Variants in AK5 observed in about 807,000 individuals in gnomAD.
AK5 encodes the protein adenylate kinase 5.
Under a neutral mutation model 69.5 loss-of-function variants are expected in AK5, and 27 were observed. The observed-to-expected ratio is 0.39, with a 90% CI of 0.29 to 0.54. The LOEUF (loss-of-function observed/expected upper bound fraction) is 0.54, where lower values mean the gene tolerates loss of function less well. Among genes scored for constraint, AK5 ranks in the 20% least tolerant of loss-of-function variants. The pLI is 0.71. For missense variants in AK5, 531 were observed against 700.4 expected (o/e 0.76, Z 2.73); for synonymous variants, 260 against 244.4 (o/e 1.06, Z -0.60).
intron 6 of AK5, among the ~76,000 whole-genome samples, chr1:77,386,916 C>G (rs1648071931): frequency 6.6e-6 from 1 of 152,096 alleles, no homozygotes; most frequent in Admixed American, 6.6e-5. Flanking sequence ...AATTTTTTCT[C>G]TCTCACATGT....
At chr1:77,296,190 A>G (rs1658992795) in intron 3 of AK5, among the ~76,000 whole-genome samples, 1 of 152,160 alleles carries the variant, frequency 6.6e-6, no homozygotes, top group South Asian at 2.1e-4. Context: ...TGAGGTATAG[A>G]TGCCCACATG....
At chr1:77,390,645 G>C (rs924998176) in intron 6 of AK5, among the ~76,000 whole-genome samples, 2 of 152,162 alleles carry the variant, frequency 1.3e-5, no homozygotes, top group Non-Finnish European at 2.9e-5. Context: ...TTAAAAAGTA[G>C]AAAGGATTTT....
At chr1:77,424,194 G>T (rs967841207) in intron 8 of AK5, among the ~76,000 whole-genome samples, 45 of 152,188 alleles carry the variant, frequency 3.0e-4, no homozygotes, top group African/African-American at 9.7e-4. Context: ...CAAAAAACAT[G>T]ATTTGAATAG....
chr1:77,475,405 A>AT (rs1226955724), intron 8 of AK5, among the ~76,000 whole-genome samples: 104 of 7,960 alleles, frequency 0.013, 4 homozygotes, highest in Non-Finnish European at 0.031. Context: ...TATAATATAT[A>AT]TGTATATATA....
At chr1:77,382,412 G>A (rs965691233) in intron 6 of AK5, among the ~76,000 whole-genome samples, 2 of 152,106 alleles carry the variant, frequency 1.3e-5, no homozygotes, top group African/African-American at 2.4e-5. Flanking sequence ...ATGCAATGGT[G>A]TAATCACAGC....
chr1:77,506,093 C>G (rs111361089), intron 10 of AK5, among the ~76,000 whole-genome samples: 2,446 of 151,968 alleles, frequency 0.016, 63 homozygotes, highest in African/African-American at 0.056. Context: ...GCAAGCAGAA[C>G]CTGAGTGAAG....
At position 77,287,105 on chromosome 1, in the gene AK5, A is replaced by G; in HGVS notation, c.225A>G (p.Ser75=). 1 of 1,571,474 alleles carries G rather than the reference A, an allele frequency of 6.4e-7. No individual in the cohort carries two copies. Among genetic ancestry groups the G allele is most frequent in the Non-Finnish European group, 8.6e-7 (1 of 1,159,152 alleles). The change falls in exon 2 of 14, where the codon TCA becomes TCG. Residue 75 remains serine, a synonymous_variant. Transcript: ENST00000354567. ...TACCTCCACTAAATGGAGGACAGTC[A>G]CGGAGATCCTTTCTAAGAAATGGTA... is the stretch of plus-strand genomic sequence containing the variant. The part of the protein sequence containing the change: ...KTLPPLNGGQ[S]RRSFLRNVMP...
chr1:77,304,407 TTTC>T (rs1423027956), intron 5 of AK5, among the ~76,000 whole-genome samples: 4 of 46,716 alleles, frequency 8.6e-5, no homozygotes, highest in African/African-American at 2.3e-4. Flanking sequence ...TTTCTTTTCT[TTTC>T]TTTTTTTTTT....
intron 12 of AK5, among the ~76,000 whole-genome samples, chr1:77,523,015 G>A (rs1658082029): frequency 6.6e-6 from 1 of 152,156 alleles, no homozygotes; most frequent in South Asian, 2.1e-4. Context: ...TTACTGGTAA[G>A]TGCCAACTGC....
chr1:77,418,335 C>T (rs1650564240), intron 8 of AK5, among the ~76,000 whole-genome samples: 1 of 152,136 alleles, frequency 6.6e-6, no homozygotes, highest in Non-Finnish European at 1.5e-5. Context: ...CACAACAGCA[C>T]AGAAAAGACC....
At chr1:77,395,657 A>G (rs1432857061) in intron 6 of AK5, among the ~76,000 whole-genome samples, 1 of 152,200 alleles carries the variant, frequency 6.6e-6, no homozygotes, top group African/African-American at 2.4e-5. Flanking sequence ...CTCATTGCAA[A>G]TGTCTTTGGA....
rs572523732 is a variant in AK5, at chr1:77,363,015, A to G, written c.891+22447A>G. Among the ~76,000 whole-genome samples the G allele has an allele frequency of 9.9e-5, 15 of 152,256 alleles. No individual in the cohort carries two copies. In the South Asian group the frequency reaches 3.1e-3, roughly 32 times the overall value. On this transcript the variant is annotated intron_variant, in intron 6 of 13. Coordinates refer to ENST00000354567, the MANE Select transcript of AK5 (RefSeq NM_174858.3). ...CCCTCATGTTTATAGACATCCCTAT[A>G]CAATGCTGACTCTCAAATTTATATT...
chr1:77,348,176 A>G (rs1662006900), intron 6 of AK5, among the ~76,000 whole-genome samples: 2 of 152,206 alleles, frequency 1.3e-5, no homozygotes, highest in African/African-American at 4.8e-5. Flanking sequence ...GAAGAGCCCC[A>G]TGAACAATTT....
chr1:77,297,170 A>C (rs140213852), intron 3 of AK5, among the ~76,000 whole-genome samples: 2 of 152,300 alleles, frequency 1.3e-5, no homozygotes, highest in African/African-American at 4.8e-5. Context: ...TTGGCATGGA[A>C]TCTATTATTG....
intron 2 of AK5, chr1:77,293,539 T>A (rs1658805578): frequency 6.6e-6 from 2 of 302,724 alleles, no homozygotes; most frequent in Non-Finnish European, 1.2e-5. Flanking sequence ...CACTCGTTTG[T>A]TTATTATGTT....
chr1:77,292,274 TC>T (rs746179327), intron 2 of AK5, among the ~76,000 whole-genome samples: 2 of 152,218 alleles, frequency 1.3e-5, no homozygotes, highest in African/African-American at 2.4e-5. Flanking sequence ...TTGGTGCTTT[TC>T]CTGATGTAGC....
rs183468212 is a variant in AK5 at position 77,489,164 on chromosome 1, G to A, written c.1147+2812G>A. 1.1e-4 allele frequency among the ~76,000 whole-genome samples: 16 copies of A among 152,272 alleles called. No individual in the cohort carries two copies. In the East Asian group the frequency reaches 2.9e-3, roughly 28 times the overall value. Reference sequence around the variant, plus strand: ...TTACTAAGTCCTGTGCCCTTCAAAAGGTCAAACAGCACAGTAGAAGATCTT... The same window carrying A: ...TTACTAAGTCCTGTGCCCTTCAAAAAGTCAAACAGCACAGTAGAAGATCTT... On this transcript the variant is annotated intron_variant, in intron 10 of 13. Coordinates refer to ENST00000354567, the MANE Select transcript of AK5 (RefSeq NM_174858.3).
At chr1:77,443,574 T>C (rs1055598113) in intron 8 of AK5, among the ~76,000 whole-genome samples, 1 of 152,048 alleles carries the variant, frequency 6.6e-6, no homozygotes, top group Non-Finnish European at 1.5e-5. Flanking sequence ...TTCTTTTGTG[T>C]CCACTGCACT....
At chr1:77,494,409 C>A (rs1034088230) in intron 10 of AK5, among the ~76,000 whole-genome samples, 3 of 152,172 alleles carry the variant, frequency 2.0e-5, no homozygotes, top group South Asian at 2.1e-4. Context: ...GGGGCAGTAG[C>A]AGATGCTGCA....
Sources: allele counts gnomAD v4.1 joint callset (sites outside exome capture counted in the v4.1 genomes callset), GRCh38; gene constraint gnomAD v4.1.1; transcripts MANE v1.5; gene names NCBI Gene and HGNC (gene_info 2026-07-23, HGNC 2026-07-21).